The following VEPH1 variants were observed in gnomAD, a reference collection of about 807,000 sequenced individuals.
VEPH1 encodes the protein ventricular zone-expressed PH domain-containing protein homolog 1.
Under a neutral mutation model 85.2 loss-of-function variants are expected in VEPH1, and 80 were observed. The ratio of observed to expected loss-of-function variants is 0.94; its 90% CI spans 0.78 to 1.13. The LOEUF (loss-of-function observed/expected upper bound fraction) is 1.13. VEPH1 is among the 50% of genes most tolerant of loss of function. VEPH1 has a pLI of 0.00. For missense variants in VEPH1, 955 were observed against 980.5 expected (o/e 0.97, Z 0.35); for synonymous variants, 297 against 348.0 (o/e 0.85, Z 1.63).
intron 12 of VEPH1, among the ~76,000 whole-genome samples, chr3:157,279,594 T>C (rs1715824197): frequency 1.3e-5 from 2 of 152,022 alleles, no homozygotes; most frequent in South Asian, 4.1e-4. Flanking sequence ...GGAAGGGGAA[T>C]ATTGAATAGA....
chr3:157,419,454 A>C (rs919132139), intron 5 of VEPH1, among the ~76,000 whole-genome samples: 9 of 152,214 alleles, frequency 5.9e-5, no homozygotes, highest in African/African-American at 1.9e-4. Context: ...AGAATCTACA[A>C]GGAACTTAAA....
intron 6 of VEPH1, among the ~76,000 whole-genome samples, chr3:157,381,914 C>A (rs1466159249): frequency 6.6e-6 from 1 of 152,132 alleles, no homozygotes; most frequent in East Asian, 1.9e-4. Flanking sequence ...CAAACATACT[C>A]ATTAACCTAT....
At chr3:157,497,254 C>G (rs1338679601) in intron 1 of VEPH1, among the ~76,000 whole-genome samples, 1 of 152,092 alleles carries the variant, frequency 6.6e-6, no homozygotes, top group Non-Finnish European at 1.5e-5. Context: ...TTCCTCTCCC[C>G]TTCTACACTG....
At chr3:157,321,296 C>CA (rs1182269802) in intron 9 of VEPH1, among the ~76,000 whole-genome samples, 1 of 152,080 alleles carries the variant, frequency 6.6e-6, no homozygotes, top group Non-Finnish European at 1.5e-5. Context: ...TATAAAAGCT[C>CA]AAACACATGA....
At chr3:157,455,831 G>C (rs1735329638) in intron 4 of VEPH1, among the ~76,000 whole-genome samples, 1 of 152,178 alleles carries the variant, frequency 6.6e-6, no homozygotes, top group Non-Finnish European at 1.5e-5. Context: ...TATGATTGAT[G>C]GGCGTTTAGG....
At chr3:157,375,458 T>C (rs1267813215) in intron 7 of VEPH1, among the ~76,000 whole-genome samples, 2 of 152,234 alleles carry the variant, frequency 1.3e-5, no homozygotes, top group Non-Finnish European at 2.9e-5. Context: ...GGCCTCGTAG[T>C]TGAAAAGGTT....
At chr3:157,393,565 A>G (rs1365531630) in intron 6 of VEPH1, among the ~76,000 whole-genome samples, 1 of 152,206 alleles carries the variant, frequency 6.6e-6, no homozygotes, top group East Asian at 1.9e-4. Context: ...TGTTTTCAAT[A>G]TCAGGTATAC....
At chr3:157,366,258 G>C (rs1726682504) in intron 7 of VEPH1, among the ~76,000 whole-genome samples, 1 of 152,132 alleles carries the variant, frequency 6.6e-6, no homozygotes, top group African/African-American at 2.4e-5. Context: ...TGGTTTGTCT[G>C]TGTGCATTTA....
chr3:157,463,327 A>C (rs973089188), intron 3 of VEPH1, among the ~76,000 whole-genome samples: 1 of 152,204 alleles, frequency 6.6e-6, no homozygotes, highest in Non-Finnish European at 1.5e-5. Flanking sequence ...CTATTAAGTC[A>C]GTCGTGTTGA....
chr3:157,274,246 A>G (rs1003264182), intron 12 of VEPH1, among the ~76,000 whole-genome samples: 9 of 152,246 alleles, frequency 5.9e-5, no homozygotes. Flanking sequence ...GGATCAATAA[A>G]TAGTAGCTAC....
At chr3:157,290,717 C>G (rs1717379183) in intron 11 of VEPH1, among the ~76,000 whole-genome samples, 2 of 152,078 alleles carry the variant, frequency 1.3e-5, no homozygotes, top group Non-Finnish European at 1.5e-5. Context: ...TAAGGGTTTT[C>G]CTGATAAACA....
chr3:157,386,292 T>C (rs73018269), intron 6 of VEPH1, among the ~76,000 whole-genome samples: 3,486 of 123,026 alleles, frequency 0.028, 156 homozygotes, highest in African/African-American at 0.1. Context: ...GTTTGGCACA[T>C]AGGCAAATAA....
intron 11 of VEPH1, among the ~76,000 whole-genome samples, 192 bp from the exon 12 acceptor site, chr3:157,286,866 A>G (rs2108373770): frequency 6.6e-6 from 1 of 152,318 alleles, no homozygotes; most frequent in South Asian, 2.1e-4. Context: ...TTTCCAGAAG[A>G]GTATTCATAA....
chr3:157,386,249 A>C (rs1216423548), intron 6 of VEPH1, among the ~76,000 whole-genome samples: 2 of 124,144 alleles, frequency 1.6e-5, no homozygotes, highest in Non-Finnish European at 3.4e-5. Flanking sequence ...AAATGGTTCC[A>C]CAAAAAAAAA....
At position 157,381,293 on chromosome 3, in the gene VEPH1, C is replaced by T. The variant is rs1473837532; in HGVS notation, c.990G>A (p.Glu330=). The change falls in exon 7 of 14, where the codon GAG becomes GAA. Residue 330 remains glutamate, a synonymous_variant. Transcript: ENST00000362010. ...AGAAGGTGTCGGTGATGCTTTTAAT[C>T]TCCAGCAGGAGAATATGGTGAAACG... ...EHSFHHILLL[E]IKSITDTFSS... is the part of the protein sequence containing the mutation. 1 of 1,614,166 alleles carries T rather than the reference C, an allele frequency of 6.2e-7. No individual in the cohort carries two copies. The highest frequency in any genetic ancestry group is 1.7e-5 in the Admixed American group (1 of 60,014).
At chr3:157,271,393 TAG>T (rs754823058) in intron 12 of VEPH1, among the ~76,000 whole-genome samples, 8 of 152,064 alleles carry the variant, frequency 5.3e-5, no homozygotes, top group Non-Finnish European at 8.8e-5. Context: ...GGAGAGTTAA[TAG>T]AGTTACTAGA....
chr3:157,287,106 G>T (rs924365234), intron 11 of VEPH1, among the ~76,000 whole-genome samples: 1 of 152,102 alleles, frequency 6.6e-6, no homozygotes, highest in African/African-American at 2.4e-5. Flanking sequence ...GGCGTGGTGG[G>T]TCATGCCTGT....
intron 12 of VEPH1, 33 bp from the exon 13 acceptor site, chr3:157,265,695 A>G (rs748905891): frequency 6.2e-7 from 1 of 1,606,846 alleles, no homozygotes; most frequent in Admixed American, 1.7e-5. Context: ...CATGCCATGT[A>G]TTTTCCAATA....
intron 6 of VEPH1, among the ~76,000 whole-genome samples, chr3:157,398,392 T>C (rs1730572791): frequency 6.6e-6 from 1 of 152,092 alleles, no homozygotes; most frequent in Non-Finnish European, 1.5e-5. Context: ...TCCCAGCACT[T>C]TGGGAGGCCG....
Sources: allele counts gnomAD v4.1 joint callset (sites outside exome capture counted in the v4.1 genomes callset), GRCh38; gene constraint gnomAD v4.1.1; transcripts MANE v1.5; gene names NCBI Gene and HGNC (gene_info 2026-07-23, HGNC 2026-07-21).